NTRK1: variants seen among roughly 807,000 people sequenced by gnomAD.
NTRK1 encodes the protein neurotrophic receptor tyrosine kinase 1.
A neutral mutation model predicts 86.8 loss-of-function variants in NTRK1; 62 were observed. The ratio of observed to expected loss-of-function variants is 0.71; its 90% CI spans 0.58 to 0.88. NTRK1 has a LOEUF of 0.88. Ranked by LOEUF, NTRK1 falls within the 40% of genes least tolerant of loss-of-function variation. NTRK1 has a pLI of 0.00. For synonymous variants in NTRK1, 469 were observed against 456.6 expected (o/e 1.03, Z -0.35); for missense variants, 967 against 1,078.4 (o/e 0.90, Z 1.45).
intron 1 of NTRK1, among the ~76,000 whole-genome samples, chr1:156,821,427 C>T (rs1354666670): frequency 6.6e-6 from 1 of 151,288 alleles, no homozygotes; most frequent in Non-Finnish European, 1.5e-5. Flanking sequence ...CTACGGGAAC[C>T]CCCCTCAGAG....
rs991913175 is a variant in NTRK1 at position 156,864,421 on chromosome 1, A to G, written c.280A>G (p.Arg94Gly). Residue 94 changes from arginine to glycine, a missense_variant, in exon 2 of 17, where the codon AGA becomes GGA. Around this residue, in one of 2 missense-constraint regions of NTRK1, gnomAD observed 330 missense variants for 302.0 expected, o/e 1.09. Transcript: ENST00000524377. ...LRDLRGLGEL[R>G]NLTIVKSGLR... is the part of the protein sequence containing the mutation. ...TGATCTGAGGGGCCTGGGGGAGCTG[A>G]GAAACCTGTGAGGGAAACGGGGACT... 6.2e-7 allele frequency: 1 copy of G among 1,613,872 alleles called. No individual in the cohort carries two copies. The highest frequency in any genetic ancestry group is 1.3e-5 in the African/African-American group (1 of 74,882).
intron 1 of NTRK1, 121 bp downstream of exon 1, chr1:156,861,267 C>T (rs1655639123): frequency 1.2e-5 from 14 of 1,194,802 alleles, no homozygotes; most frequent in Non-Finnish European, 1.6e-5. Flanking sequence ...AGGCTGGCAC[C>T]ACGCAGCCTT....
At chr1:156,876,354 A>T (rs2102918779) in intron 13 of NTRK1, 46 bp from the exon 14 acceptor site, 1 of 1,612,418 alleles carries the variant, frequency 6.2e-7, no homozygotes, top group Non-Finnish European at 8.5e-7. Context: ...AACAGCAGTG[A>T]GGGCTCGGCC....
Position 156,832,822 on chromosome 1 carries a change from C to T in NTRK1, c.-63-9259C>T, listed in dbSNP as rs150986651. 4.6e-3 allele frequency among the ~76,000 whole-genome samples: 707 copies of T among 152,352 alleles called. 2 individuals are homozygous for T. Among genetic ancestry groups the T allele is most frequent in the African/African-American group, 0.016 (684 of 41,572 alleles). On this transcript the variant is annotated intron_variant, in intron 1 of 16. Transcript: ENST00000392302. ...CTTGTAGCATTTGGTTCTTACACAG[C>T]TGCATGAGGGTTTGCCATGGTGTAC... is the stretch of plus-strand genomic sequence containing the variant.
In NTRK1 at chr1:156,854,353, C is replaced by T; in HGVS notation, c.51-10001C>T. Reference sequence around the variant, plus strand: ...ATTGAGTACAGCCCAGGCCAAATTCCCCATCCAGCCCTGGCAGCTTTGGAG... The same window carrying T: ...ATTGAGTACAGCCCAGGCCAAATTCTCCATCCAGCCCTGGCAGCTTTGGAG... On this transcript the variant is annotated intron_variant, in intron 2 of 16. Coordinates refer to the NTRK1 transcript ENST00000392302. This position sits in a 1 kb window ranked among gnomAD's most constrained non-coding sequence, Gnocchi z 4.2. 1 of 1,518,580 alleles carries T rather than the reference C, an allele frequency of 6.6e-7. No homozygotes were observed. Among genetic ancestry groups the T allele is most frequent in the Non-Finnish European group, 8.9e-7 (1 of 1,128,940 alleles). The allele number at this position is 1,518,580 out of a possible 1,614,324, so 94.1% of individuals were successfully genotyped here.
intron 2 of NTRK1, chr1:156,853,937 G>T: frequency 6.2e-7 from 1 of 1,613,936 alleles, no homozygotes; most frequent in African/African-American, 1.3e-5. Context: ...GTCAATGGTG[G>T]AGAGGTGGCA....
chr1:156,862,101 C>T (rs559134284), intron 1 of NTRK1, among the ~76,000 whole-genome samples: 54 of 152,182 alleles, frequency 3.5e-4, no homozygotes, highest in African/African-American at 1.2e-3. Flanking sequence ...CCTGGGGTTT[C>T]GAGGGTGGAC....
intron 6 of NTRK1, among the ~76,000 whole-genome samples, chr1:156,871,050 C>G (rs1647519097): frequency 6.6e-6 from 1 of 152,162 alleles, no homozygotes; most frequent in South Asian, 2.1e-4. Flanking sequence ...CTTCCTTGGG[C>G]TGAGACTCAG....
In NTRK1 at chr1:156,820,785, G is replaced by A. The variant is rs532639416; in HGVS notation, c.-64+4947G>A. On this transcript the variant is annotated intron_variant, in intron 1 of 16. Transcript: ENST00000392302. ...TATATGGGCTCTTTTTTGGTTCCAT[G>A]TGAATTTTAGGATTGTTTTTTATAG... 3.3e-5 allele frequency among the ~76,000 whole-genome samples: 5 copies of A among 152,222 alleles called. No homozygotes were observed. The East Asian group carries it at 5.8e-4, about 18-fold the overall frequency.
At chr1:156,865,490 T>C (rs1210652182) in intron 3 of NTRK1, among the ~76,000 whole-genome samples, 1 of 152,210 alleles carries the variant, frequency 6.6e-6, no homozygotes, top group Non-Finnish European at 1.5e-5. Flanking sequence ...GCGGTAATGC[T>C]CACTCACCGC....
At chr1:156,835,194 C>T (rs1654569027) in intron 1 of NTRK1, among the ~76,000 whole-genome samples, 1 of 152,146 alleles carries the variant, frequency 6.6e-6, no homozygotes, top group South Asian at 2.1e-4. Context: ...TCTCTACTTC[C>T]CACCTGTTTT....
At chr1:156,847,901 A>G (rs934815741) in intron 2 of NTRK1, among the ~76,000 whole-genome samples, 3 of 152,098 alleles carry the variant, frequency 2.0e-5, no homozygotes, top group African/African-American at 7.2e-5. Context: ...ATAGTTGTGC[A>G]GATTGTGAAG....
intron 1 of NTRK1, chr1:156,841,426 G>A: frequency 6.2e-7 from 1 of 1,613,866 alleles, no homozygotes; most frequent in Non-Finnish European, 8.5e-7. Flanking sequence ...GCTCCTCCAG[G>A]ACCCCGCCAT....
intron 2 of NTRK1, chr1:156,845,545 C>CCCCCCCCCCCCCAG: frequency 1.5e-6 from 2 of 1,331,406 alleles, no homozygotes; most frequent in Non-Finnish European, 1.0e-6. Flanking sequence ...CCACAAACCC[C>CCCCCCCCCCCCCAG]ACCCCTCCCG....
In NTRK1 at chr1:156,846,814, AC is replaced by A; in HGVS notation, c.50+4626del. 2.9e-6 allele frequency: 4 copies of A among 1,398,942 alleles called. No individual in the cohort carries two copies. The South Asian group carries it at 4.7e-5, about 16-fold the overall frequency. 86.7% of individuals were successfully genotyped at this position (1,398,942 alleles called of 1,614,324 possible). A position where few individuals can be genotyped will look rare whatever the true frequency, so the allele number is the denominator to read the frequency against. On this transcript the variant is annotated intron_variant, in intron 2 of 16. Transcript: ENST00000392302. Reference sequence around the variant, plus strand: ...TTCAACCCCACCCTCAAGTTCTGGCACCCCCGCTCTGAATCACCCCAGGACT... The same window carrying A: ...TTCAACCCCACCCTCAAGTTCTGGCACCCCGCTCTGAATCACCCCAGGACT...
intron 1 of NTRK1, among the ~76,000 whole-genome samples, chr1:156,829,059 C>T (rs1174000987): frequency 6.6e-6 from 1 of 152,226 alleles, no homozygotes; most frequent in Admixed American, 6.5e-5. Flanking sequence ...TGTGCGCAGC[C>T]TTGCTCTCTG....
At position 156,842,675 on chromosome 1, in the gene NTRK1, A is replaced by G. The variant is rs565152258; in HGVS notation, c.50+482A>G. On this transcript the variant is annotated intron_variant, in intron 2 of 16. Coordinates refer to the NTRK1 transcript ENST00000392302. ...CTAACAATGACCCTGACCCTAACCC[A>G]TGACCTTCATCATATCTGATGATCA... 5.5e-4 allele frequency among the ~76,000 whole-genome samples: 84 copies of G among 152,100 alleles called. 1 individual carries two copies. The highest frequency in any genetic ancestry group is 9.7e-4 in the Non-Finnish European group (66 of 68,012).
chr1:156,879,036 C>T lies in NTRK1; in HGVS notation c.1806-86C>T, dbSNP rs113993593. The T allele has an allele frequency of 3.2e-4, 490 of 1,513,294 alleles. 1 individual carries two copies. In the African/African-American group the frequency reaches 6.1e-3, roughly 19 times the overall value. 93.7% of individuals were successfully genotyped at this position (1,513,294 alleles called of 1,614,324 possible). A position where few individuals can be genotyped will look rare whatever the true frequency, so the allele number is the denominator to read the frequency against. ...CCAGGTCCCCAGTCTCCTCTCCCATCACACGCGGCTGCTGGGGATCGCCTT... is the reference window on the plus strand; with the variant it reads ...CCAGGTCCCCAGTCTCCTCTCCCATTACACGCGGCTGCTGGGGATCGCCTT... On this transcript the variant is annotated intron_variant, in intron 14 of 16. Transcript: ENST00000524377.
At chr1:156,843,345 A>G in intron 2 of NTRK1, 1 of 1,572,478 alleles carries the variant, frequency 6.4e-7, no homozygotes, top group Admixed American at 1.7e-5. Flanking sequence ...TATCTTCTGC[A>G]AGAAGGTCTT....
Sources: gnomAD v4.1 joint callset for allele counts (sites outside exome capture counted in the v4.1 genomes callset) on GRCh38, gnomAD v4.1.1 for gene constraint, gnomAD v4.1.1 regional missense constraint, Gnocchi (gnomAD v3.1) non-coding constraint, MANE v1.5 for transcripts, NCBI Gene and HGNC (gene_info 2026-07-23, HGNC 2026-07-21) for gene names.